Variants in MC2R observed in about 807,000 individuals in gnomAD.
MC2R encodes the protein melanocortin 2 receptor.
MC2R carries 9 observed loss-of-function variants against 9.8 expected under a neutral mutation model. That is an observed-to-expected ratio of 0.92 (90% CI 0.55 to 1.60). MC2R has a LOEUF of 1.60. MC2R is among the 40% of genes most tolerant of loss of function. The probability of loss-of-function intolerance (pLI) is 0.00; values close to 1 mark genes in which losing one functional copy is unlikely to be tolerated. For synonymous variants in MC2R, 185 were observed against 154.7 expected (o/e 1.20, Z -1.45); for missense variants, 370 against 389.0 (o/e 0.95, Z 0.41).
chr18:13,885,278 T>C lies in MC2R; in HGVS notation c.241A>G (p.Asn81Asp), dbSNP rs762270285. 1 of 1,614,126 alleles carries C rather than the reference T, an allele frequency of 6.2e-7. No homozygotes were observed. Among genetic ancestry groups the C allele is most frequent in the Admixed American group, 1.7e-5 (1 of 60,020 alleles). Residue 81 changes from asparagine (N) to aspartate (D), a missense_variant, in exon 2 of 2, where the codon AAT becomes GAT. Transcript: ENST00000327606. ...ATGTTTCTCAATATGATCAGGATAT[T>C]TTCCAAGATCTTATATAGGCTGCCC... The part of the protein sequence containing the change: ...MLGSLYKILE[N>D]ILIILRNMGY...
At chr18:13,902,149 C>A (rs2045383942) in intron 1 of MC2R, among the ~76,000 whole-genome samples, 2 of 151,866 alleles carry the variant, frequency 1.3e-5, no homozygotes, top group South Asian at 4.2e-4. Flanking sequence ...AGGACAAAAA[C>A]CATATGATAA....
At position 13,885,322 on chromosome 18, in the gene MC2R, A is replaced by T; in HGVS notation, c.197T>A (p.Leu66Ter). 1 of 1,614,210 alleles carries T rather than the reference A, an allele frequency of 6.2e-7. No homozygotes were observed. Among genetic ancestry groups the T allele is most frequent in the Non-Finnish European group, 8.5e-7 (1 of 1,180,034 alleles). Reference protein sequence around the residue: ...QAPMYFFICSLAISDMLGSLY... With the variant: ...QAPMYFFICS ...GCTGCCCAGCATATCAGATATGGCC[A>T]AGCTACAGATGAAAAAGTACATGGG... The change falls in exon 2 of 2, where the codon TTG (leucine) becomes TAG (stop). Residue 66 changes from leucine to a stop codon, truncating the protein, a stop_gained. Coordinates refer to ENST00000327606, the MANE Select transcript of MC2R (RefSeq NM_000529.2). LOFTEE classifies it high-confidence loss of function.
chr18:13,896,075 A>C (rs2045344868), intron 1 of MC2R, among the ~76,000 whole-genome samples: 1 of 152,208 alleles, frequency 6.6e-6, no homozygotes, highest in Admixed American at 6.5e-5. Flanking sequence ...GGAGCAACTC[A>C]TATTGGTTAC....
intron 1 of MC2R, among the ~76,000 whole-genome samples, chr18:13,908,882 T>C (rs1235779328): frequency 2.6e-5 from 4 of 152,186 alleles, no homozygotes; most frequent in East Asian, 1.9e-4. Flanking sequence ...GTTGCAAAGA[T>C]AGTAGAGTCC....
chr18:13,883,486 G>T lies in MC2R; in HGVS notation c.*1139C>A, dbSNP rs768304586. The T allele has an allele frequency of 2.6e-5, 4 of 151,858 alleles. No homozygotes were observed. The highest frequency in any genetic ancestry group is 5.9e-5 in the Non-Finnish European group (4 of 68,012). 9.4% of individuals were successfully genotyped at this position (151,858 alleles called of 1,614,324 possible). On this transcript the variant is annotated 3_prime_UTR_variant, in exon 2 of 2. Transcript: ENST00000327606. ...ATGAGGTGGTGTTTGCCTCCCTCAG[G>T]TCTTTGACTTGGGGCTATAATAACA... is the stretch of plus-strand genomic sequence containing the variant.
At position 13,885,653 on chromosome 18, in the gene MC2R, G is replaced by A. The variant is rs921256220; in HGVS notation, c.-128-7C>T. ...GTTAAAATCTCCCAATCACCTAAAA[G>A]GGAGTATACAGAAATATTAGTTGCA... On this transcript the variant is annotated splice_region_variant and splice_polypyrimidine_tract_variant and intron_variant, in intron 1 of 1. Transcript: ENST00000327606. 3.4e-5 allele frequency: 33 copies of A among 978,690 alleles called. No individual in the cohort carries two copies. In the African/African-American group the frequency reaches 5.1e-4, roughly 15 times the overall value. The allele number at this position is 978,690 out of a possible 1,614,324, so 60.6% of individuals were successfully genotyped here. A position where few individuals can be genotyped will look rare whatever the true frequency, so the allele number is the denominator to read the frequency against.
intron 1 of MC2R, among the ~76,000 whole-genome samples, chr18:13,895,212 T>C (rs1214143901): frequency 6.6e-6 from 1 of 152,248 alleles, no homozygotes; most frequent in Non-Finnish European, 1.5e-5. Flanking sequence ...ATATAAAGCA[T>C]ACAAGAAACA....
At chr18:13,892,799 AT>A (rs1480277292) in intron 1 of MC2R, among the ~76,000 whole-genome samples, 1 of 109,266 alleles carries the variant, frequency 9.2e-6, no homozygotes, top group African/African-American at 3.3e-5. Flanking sequence ...GATAGACATA[AT>A]CTGTTACACA....
Position 13,885,420 on chromosome 18 carries a change from T to G in MC2R, c.99A>C (p.Thr33=), listed in dbSNP as rs1321266668. The change falls in exon 2 of 2, where the codon ACA becomes ACC. Residue 33 remains threonine, a synonymous_variant. Coordinates refer to ENST00000327606, the MANE Select transcript of MC2R (RefSeq NM_000529.2). ...RVVLPEEIFF[T]ISIVGVLENL... ...TCTCCAAAACTCCAACAATGGAAAT[T>G]GTGAAAAATATCTCCTCCGGCAAAA... 3 of 1,613,792 alleles carry G rather than the reference T, an allele frequency of 1.9e-6. No homozygotes were observed. Among genetic ancestry groups the G allele is most frequent in the Non-Finnish European group, 2.5e-6 (3 of 1,179,818 alleles).
rs150928586 is a variant in MC2R at position 13,884,198 on chromosome 18, C to T, written c.*427G>A. 2,926 of 251,542 alleles carry T rather than the reference C, an allele frequency of 0.012. 26 individuals carry two copies. Among genetic ancestry groups the T allele is most frequent in the Non-Finnish European group, 0.018 (2,257 of 128,296 alleles). The allele number at this position is 251,542 out of a possible 1,614,324, so 15.6% of individuals were successfully genotyped here. A position where few individuals can be genotyped will look rare whatever the true frequency, so the allele number is the denominator to read the frequency against. On this transcript the variant is annotated 3_prime_UTR_variant, in exon 2 of 2. Coordinates refer to ENST00000327606, the MANE Select transcript of MC2R (RefSeq NM_000529.2). ...TTCTGGAAATTGGCTGCAATGGCCTCCACCTGGAAAGGCCACCTCAGAACT... is the reference window on the plus strand; with the variant it reads ...TTCTGGAAATTGGCTGCAATGGCCTTCACCTGGAAAGGCCACCTCAGAACT...
Position 13,882,464 on chromosome 18 carries a change from C to G in MC2R, c.*2161G>C, listed in dbSNP as rs1284785034. 6.6e-6 allele frequency: 1 copy of G among 152,222 alleles called. No homozygotes were observed. The highest frequency in any genetic ancestry group is 1.5e-5 in the Non-Finnish European group (1 of 68,044). 9.4% of individuals were successfully genotyped at this position (152,222 alleles called of 1,614,324 possible). On this transcript the variant is annotated 3_prime_UTR_variant, in exon 2 of 2. Coordinates refer to ENST00000327606, the MANE Select transcript of MC2R (RefSeq NM_000529.2). ...TTTCATCCACCATTAGACTAGCCAT[C>G]TTCATTTTGTTTCTTAGATTAACTG... is the stretch of plus-strand genomic sequence containing the variant.
intron 1 of MC2R, among the ~76,000 whole-genome samples, chr18:13,890,651 T>A (rs1293010798): frequency 1.3e-5 from 2 of 152,126 alleles, no homozygotes; most frequent in Non-Finnish European, 2.9e-5. Flanking sequence ...CATTTAAGAT[T>A]TTTATGTCAC....
Position 13,885,095 on chromosome 18 carries a change from C to G in MC2R, c.424G>C (p.Val142Leu). ...IFHALRYHSI[V>L]TMRRTVVVLT... is the part of the protein sequence containing the mutation. ...ACCACCACAGTGCGGCGCATGGTCA[C>G]GATGCTGTGGTACCGCAGTGCGTGG... The change falls in exon 2 of 2, where the codon GTG becomes CTG. Residue 142 changes from valine (V) to leucine (L), a missense_variant. Transcript: ENST00000327606. The G allele has an allele frequency of 1.2e-6, 2 of 1,614,134 alleles. No homozygotes were observed. Among genetic ancestry groups the G allele is most frequent in the South Asian group, 2.2e-5 (2 of 91,062 alleles).
chr18:13,908,559 G>A (rs1260051189), intron 1 of MC2R, among the ~76,000 whole-genome samples: 2 of 152,176 alleles, frequency 1.3e-5, no homozygotes, highest in Non-Finnish European at 2.9e-5. Flanking sequence ...ACTTTAGGGT[G>A]ATAGATATCC....
chr18:13,912,237 T>A (rs1440145920), intron 1 of MC2R, among the ~76,000 whole-genome samples: 1 of 152,188 alleles, frequency 6.6e-6, no homozygotes, highest in Non-Finnish European at 1.5e-5. Flanking sequence ...AAAGGTATTC[T>A]CTCTTAATGC....
At chr18:13,889,010 C>T (rs2045296845) in intron 1 of MC2R, among the ~76,000 whole-genome samples, 1 of 152,202 alleles carries the variant, frequency 6.6e-6, no homozygotes, top group Admixed American at 6.5e-5. Context: ...CCTTCCACCT[C>T]CTTCCAGGGT....
chr18:13,893,836 G>A (rs988632598), intron 1 of MC2R, among the ~76,000 whole-genome samples: 1 of 152,210 alleles, frequency 6.6e-6, no homozygotes, highest in Non-Finnish European at 1.5e-5. Context: ...CAGATATTCA[G>A]CTCTGTGATT....
intron 1 of MC2R, among the ~76,000 whole-genome samples, chr18:13,906,192 A>G (rs1341509891): frequency 2.6e-5 from 4 of 152,264 alleles, no homozygotes; most frequent in Admixed American, 1.3e-4. Context: ...ATGTCCATCA[A>G]TGATAGACTG....
At chr18:13,912,710 T>C (rs1207158771) in intron 1 of MC2R, among the ~76,000 whole-genome samples, 1 of 152,216 alleles carries the variant, frequency 6.6e-6, no homozygotes, top group Non-Finnish European at 1.5e-5. Context: ...TAGGGCCCAG[T>C]CACTGTCTCC....
Sources: gnomAD v4.1 joint callset for allele counts (sites outside exome capture counted in the v4.1 genomes callset) on GRCh38, gnomAD v4.1.1 for gene constraint, MANE v1.5 for transcripts, NCBI Gene and HGNC (gene_info 2026-07-23, HGNC 2026-07-21) for gene names.